Variants in VASP observed in about 807,000 individuals in gnomAD.
VASP encodes the protein vasodilator-stimulated phosphoprotein.
Under a neutral mutation model 54.4 loss-of-function variants are expected in VASP, and 27 were observed. That is an observed-to-expected ratio of 0.50 (90% confidence interval 0.37 to 0.68). The LOEUF is 0.68. Ranked by LOEUF, VASP falls within the 30% of genes least tolerant of loss-of-function variation. The pLI is 0.00. For synonymous variants in VASP, 233 were observed against 209.8 expected (o/e 1.11, Z -0.96); for missense variants, 488 against 528.3 (o/e 0.92, Z 0.75).
intron 7 of VASP, 74 bp downstream of exon 7, chr19:45,522,892 T>C: frequency 7.1e-7 from 1 of 1,416,568 alleles, no homozygotes; most frequent in Admixed American, 2.6e-5. Context: ...AGGGCTCCAA[T>C]TCCTGTTTAG....
At chr19:45,511,003 A>C (rs1968591262) in intron 1 of VASP, among the ~76,000 whole-genome samples, 1 of 151,976 alleles carries the variant, frequency 6.6e-6, no homozygotes, top group African/African-American at 2.4e-5. Context: ...AAAAAAAGGA[A>C]CGTGCTTTCA....
chr19:45,523,189 A>ATTTTTTTTTTTTTTTTTTTTTTTT (rs1568390471), intron 7 of VASP, among the ~76,000 whole-genome samples: 1 of 106,970 alleles, frequency 9.3e-6, no homozygotes, highest in Non-Finnish European at 1.8e-5. Flanking sequence ...CAATCTCTTG[A>ATTTTTTTTTTTTTTTTTTTTTTTT]ATTTTTTTTT....
chr19:45,521,365 C>A lies in VASP; in HGVS notation c.387C>A (p.Val129=), dbSNP rs774944802. ...CCCCAGCACTTCCCACCTGGTCGGT[C>A]CCGAACGGCCCCTCCCCGGAGGAGG... is the stretch of plus-strand genomic sequence containing the variant. The part of the protein sequence containing the change: ...PPPPALPTWS[V]PNGPSPEEVE... Residue 129 remains valine (V), a synonymous_variant, in exon 4 of 13, where the codon GTC becomes GTA. Coordinates refer to ENST00000245932, the MANE Select transcript of VASP (RefSeq NM_003370.4). 4.4e-6 allele frequency: 7 copies of A among 1,581,868 alleles called. No individual in the cohort carries two copies. In the South Asian group the frequency reaches 8.1e-5, roughly 18 times the overall value.
intron 3 of VASP, among the ~76,000 whole-genome samples, chr19:45,519,269 C>T (rs1316679365): frequency 6.6e-6 from 1 of 152,114 alleles, no homozygotes; most frequent in African/African-American, 2.4e-5. Context: ...CCGCCTAGGC[C>T]TCCCAGAGTG....
chr19:45,517,781 C>T lies in VASP; in HGVS notation c.124C>T (p.Pro42Ser). The change falls in exon 2 of 13, where the codon CCC (proline) becomes TCC (serine). Residue 42 changes from proline (P) to serine (S), a missense_variant. Physicochemically the swap from Pro to Ser is moderately conservative, Grantham distance 74. Coordinates refer to ENST00000245932, the MANE Select transcript of VASP (RefSeq NM_003370.4). ...AFSRVQIYHNPTANSFRVVGR... is the reference protein window; with the variant it reads ...AFSRVQIYHNSTANSFRVVGR... The stretch of plus-strand genomic sequence containing the variant: ...CAGCCGCGTCCAGATCTACCACAAC[C>T]CCACGGCCAATTCCTTTCGCGTCGT... The T allele has an allele frequency of 2.5e-6, 4 of 1,613,928 alleles. No homozygotes were observed. The South Asian group carries it at 3.3e-5, about 13-fold the overall frequency.
chr19:45,515,065 C>T (rs534863497), intron 1 of VASP, among the ~76,000 whole-genome samples: 1 of 152,158 alleles, frequency 6.6e-6, no homozygotes, highest in Admixed American at 6.5e-5. Flanking sequence ...CCTGAAATGC[C>T]TAGTAAGAGG....
At position 45,517,537 on chromosome 19, in the gene VASP, C is replaced by T. The variant is rs925204430; in HGVS notation, c.6-126C>T. On this transcript the variant is annotated intron_variant, in intron 1 of 12. Coordinates refer to ENST00000245932, the MANE Select transcript of VASP (RefSeq NM_003370.4). ...TGTCTCCCCCGTCTCCTTCTGTCCACGTGGCTCCTGCCTCCCTCTGTGTCA... is the reference window on the plus strand; with the variant it reads ...TGTCTCCCCCGTCTCCTTCTGTCCATGTGGCTCCTGCCTCCCTCTGTGTCA... 28 of 1,224,058 alleles carry T rather than the reference C, an allele frequency of 2.3e-5. No individual in the cohort carries two copies. In the Admixed American group the frequency reaches 4.5e-4, roughly 20 times the overall value. The allele number at this position is 1,224,058 out of a possible 1,614,324, so 75.8% of individuals were successfully genotyped here.
chr19:45,525,468 G>A (rs1050244978), intron 11 of VASP, among the ~76,000 whole-genome samples: 1 of 152,186 alleles, frequency 6.6e-6, no homozygotes, highest in African/African-American at 2.4e-5. Context: ...GAAGGCTGAT[G>A]GGGACGGATC....
chr19:45,525,236 G>A (rs1030303111), intron 11 of VASP, among the ~76,000 whole-genome samples: 4 of 151,918 alleles, frequency 2.6e-5, no homozygotes, highest in Non-Finnish European at 4.4e-5. Context: ...GGGCAACATC[G>A]GGAGACCCCC....
chr19:45,517,858 C>A, intron 2 of VASP, 24 bp downstream of exon 2: 2 of 1,610,544 alleles, frequency 1.2e-6, no homozygotes, highest in Non-Finnish European at 1.7e-6. Context: ...CCGGCCCCCT[C>A]TGTGGGCTGA....
chr19:45,515,650 C>A (rs771632978), intron 1 of VASP, among the ~76,000 whole-genome samples: 2 of 152,200 alleles, frequency 1.3e-5, no homozygotes, highest in Non-Finnish European at 2.9e-5. Context: ...GATTCTCCTG[C>A]GTCAGCCTCC....
At chr19:45,519,627 C>T (rs1467680269) in intron 3 of VASP, among the ~76,000 whole-genome samples, 2 of 132,834 alleles carry the variant, frequency 1.5e-5, no homozygotes, top group African/African-American at 2.8e-5. Flanking sequence ...GACGGAGTCT[C>T]GCTCTGTCCC....
Position 45,516,230 on chromosome 19 carries a change from G to A in VASP, c.6-1433G>A, listed in dbSNP as rs189144675. Among the ~76,000 whole-genome samples the A allele has an allele frequency of 1.1e-3, 165 of 152,310 alleles. 1 individual carries two copies. Among genetic ancestry groups the A allele is most frequent in the Admixed American group, 9.9e-3 (151 of 15,300 alleles). On this transcript the variant is annotated intron_variant, in intron 1 of 12. Transcript: ENST00000245932. ...CTGTGAGCCCCAGGAGGGTGGTGCCGGAGCTGTCTGGGTCACTGCTGTGTC... is the reference window on the plus strand; with the variant it reads ...CTGTGAGCCCCAGGAGGGTGGTGCCAGAGCTGTCTGGGTCACTGCTGTGTC...
In VASP at chr19:45,518,123, C is replaced by G. The variant is rs1968749260; in HGVS notation, c.343+29C>G. On this transcript the variant is annotated intron_variant, in intron 3 of 12. Transcript: ENST00000245932. ...AGAAATGGCGGCGGGCAAAGGGGAC[C>G]AGTGAATGCGGCTGTGTGGCCTGGG... is the stretch of plus-strand genomic sequence containing the variant. 3.1e-6 allele frequency: 5 copies of G among 1,604,518 alleles called. No homozygotes were observed. The East Asian group carries it at 1.1e-4, about 36-fold the overall frequency.
intron 3 of VASP, among the ~76,000 whole-genome samples, chr19:45,519,941 GTC>G (rs1293350600): frequency 9.1e-6 from 1 of 110,006 alleles, no homozygotes; most frequent in Non-Finnish European, 1.7e-5. Flanking sequence ...GTCTCACTCT[GTC>G]TCTCAGGCTG....
chr19:45,520,718 C>T (rs1352463965), intron 3 of VASP, among the ~76,000 whole-genome samples: 1 of 152,128 alleles, frequency 6.6e-6, no homozygotes, highest in Admixed American at 6.6e-5. Context: ...AATCTCAGCA[C>T]TTTGGGAGGC....
chr19:45,522,864 G>A (rs753108729), intron 7 of VASP, 46 bp downstream of exon 7: 6 of 1,560,618 alleles, frequency 3.8e-6, no homozygotes, highest in Non-Finnish European at 2.6e-6. Context: ...TTCCAGTTCA[G>A]TAGGGCCCAG....
In VASP at chr19:45,523,700, G is replaced by A; in HGVS notation, c.873+5G>A. ...CCCAAGGATGAATCTGCCAATGTAA[G>A]TCAGGGACTCTTCTTGCCCTACATC... is the stretch of plus-strand genomic sequence containing the variant. On this transcript the variant is annotated splice_donor_5th_base_variant and intron_variant, in intron 8 of 12. Transcript: ENST00000245932. 1.2e-6 allele frequency: 2 copies of A among 1,614,134 alleles called. No homozygotes were observed. Among genetic ancestry groups the A allele is most frequent in the Non-Finnish European group, 1.7e-6 (2 of 1,180,032 alleles).
intron 1 of VASP, among the ~76,000 whole-genome samples, chr19:45,509,996 A>T (rs1261630504): frequency 6.6e-6 from 1 of 151,978 alleles, no homozygotes; most frequent in Non-Finnish European, 1.5e-5. Flanking sequence ...ATATTTGTTG[A>T]GTGTTGGCTG....
Sources: allele counts gnomAD v4.1 joint callset (sites outside exome capture counted in the v4.1 genomes callset), GRCh38; gene constraint gnomAD v4.1.1; transcripts MANE v1.5; gene names NCBI Gene and HGNC (gene_info 2026-07-23, HGNC 2026-07-21).